SPOCK3: variants seen among roughly 807,000 people sequenced by gnomAD.
The protein encoded by SPOCK3 is testican-3.
A neutral mutation model predicts 56.6 loss-of-function variants in SPOCK3; 30 were observed. The observed-to-expected ratio is 0.53, with a 90% confidence interval of 0.40 to 0.72. The LOEUF (loss-of-function observed/expected upper bound fraction) is 0.72. SPOCK3 is among the 30% of genes least tolerant of loss of function. The probability of loss-of-function intolerance (pLI) is 0.00; values close to 1 mark genes in which losing one functional copy is unlikely to be tolerated. For synonymous variants in SPOCK3, 196 were observed against 183.3 expected, an observed-to-expected ratio of 1.07 and a Z score of -0.56; for missense variants, 527 against 530.0, an observed-to-expected ratio of 0.99 and a Z score of 0.06.
At chr4:166,916,932 C>T (rs931368547) in intron 4 of SPOCK3, among the ~76,000 whole-genome samples, 2 of 152,030 alleles carry the variant, frequency 1.3e-5, no homozygotes, top group Admixed American at 6.6e-5. Flanking sequence ...TTAGTGTTAA[C>T]AAGTGAAGCA....
chr4:166,769,906 C>T (rs1165260894), intron 7 of SPOCK3, among the ~76,000 whole-genome samples: 1 of 152,140 alleles, frequency 6.6e-6, no homozygotes. Flanking sequence ...CCTCCCCCAG[C>T]CTTGCTGCTG....
chr4:166,828,221 A>G (rs1015195762), intron 6 of SPOCK3, among the ~76,000 whole-genome samples: 3 of 152,040 alleles, frequency 2.0e-5, no homozygotes, highest in African/African-American at 7.2e-5. Context: ...AATTCCTTAT[A>G]AATGGAAAAA....
intron 7 of SPOCK3, among the ~76,000 whole-genome samples, chr4:166,779,982 C>T (rs1407834052): frequency 5.9e-5 from 9 of 152,128 alleles, no homozygotes. Flanking sequence ...TGAAAACTTT[C>T]AACCCAATAA....
At chr4:166,773,617 A>G (rs892658346) in intron 7 of SPOCK3, among the ~76,000 whole-genome samples, 23 of 152,128 alleles carry the variant, frequency 1.5e-4, no homozygotes, top group Non-Finnish European at 3.2e-4. Flanking sequence ...TTCTTTTACT[A>G]CTTAGCTCTT....
intron 5 of SPOCK3, among the ~76,000 whole-genome samples, chr4:166,895,098 G>A (rs6553317): frequency 0.73 from 110,304 of 151,942 alleles, 40,221 homozygotes; most frequent in South Asian, 0.79. Flanking sequence ...ATTCTTGTTT[G>A]AATTATTCCA....
intron 2 of SPOCK3, among the ~76,000 whole-genome samples, chr4:167,178,131 T>G (rs1015168618): frequency 2.0e-5 from 3 of 152,132 alleles, no homozygotes; most frequent in African/African-American, 7.2e-5. Context: ...GTGACAAACA[T>G]AATGCCACAT....
intron 7 of SPOCK3, among the ~76,000 whole-genome samples, chr4:166,781,691 A>G (rs1740191467): frequency 6.6e-6 from 1 of 152,124 alleles, no homozygotes; most frequent in South Asian, 2.1e-4. Flanking sequence ...ATAAACACCA[A>G]CCAATCAAAC....
intron 2 of SPOCK3, among the ~76,000 whole-genome samples, chr4:167,120,897 A>T (rs1358168816): frequency 1.3e-5 from 2 of 151,968 alleles, no homozygotes; most frequent in African/African-American, 2.4e-5. Context: ...CAATTCCAAC[A>T]TTGGGTAACA....
chr4:167,141,717 C>A (rs1763545710), intron 2 of SPOCK3, among the ~76,000 whole-genome samples: 1 of 151,832 alleles, frequency 6.6e-6, no homozygotes, highest in Non-Finnish European at 1.5e-5. Flanking sequence ...AATTAGAGGG[C>A]AAATCCAGAA....
At chr4:167,149,395 T>C (rs1247654806) in intron 2 of SPOCK3, among the ~76,000 whole-genome samples, 1 of 152,052 alleles carries the variant, frequency 6.6e-6, no homozygotes, top group East Asian at 1.9e-4. Context: ...CTAAAAACTG[T>C]TCATTTGCAA....
intron 2 of SPOCK3, among the ~76,000 whole-genome samples, chr4:167,137,126 C>T (rs1245181648): frequency 2.6e-5 from 4 of 152,004 alleles, no homozygotes; most frequent in African/African-American, 9.7e-5. Flanking sequence ...CCTCTTATTT[C>T]CCTTTCTCTT....
intron 7 of SPOCK3, among the ~76,000 whole-genome samples, chr4:166,767,405 T>A (rs1738241502): frequency 6.6e-6 from 1 of 152,004 alleles, no homozygotes; most frequent in Non-Finnish European, 1.5e-5. Flanking sequence ...TTCTCACTGG[T>A]TTCAAAGAAC....
In SPOCK3 at chr4:166,921,578, A is replaced by G. The variant is rs573739432; in HGVS notation, c.351-8835T>C. Among the ~76,000 whole-genome samples, 5 of 152,218 alleles carry G rather than the reference A, an allele frequency of 3.3e-5. No individual in the cohort carries two copies. In the South Asian group the frequency reaches 1.0e-3, roughly 32 times the overall value. ...TGATCCGCCCGCCTTGGCCTCCCAA[A>G]GTGCTGTGATTACAGGCATGAGCCA... On this transcript the variant is annotated intron_variant, in intron 4 of 10. Coordinates refer to ENST00000357545, the MANE Select transcript of SPOCK3 (RefSeq NM_001040159.2).
At chr4:167,052,482 C>T (rs1754328862) in intron 3 of SPOCK3, among the ~76,000 whole-genome samples, 1 of 152,116 alleles carries the variant, frequency 6.6e-6, no homozygotes, top group South Asian at 2.1e-4. Context: ...ATTCAAAACT[C>T]CTAAATCAAT....
intron 3 of SPOCK3, among the ~76,000 whole-genome samples, chr4:167,028,878 C>T (rs930773792): frequency 6.6e-6 from 1 of 151,976 alleles, no homozygotes; most frequent in Non-Finnish European, 1.5e-5. Flanking sequence ...GTTTTCATTG[C>T]CTGTTCTCTC....
Position 166,768,055 on chromosome 4 carries a change from A to G in SPOCK3, c.710-13326T>C, listed in dbSNP as rs565214913. 1.8e-4 allele frequency among the ~76,000 whole-genome samples: 27 copies of G among 151,484 alleles called. No individual in the cohort carries two copies. The South Asian group carries it at 2.5e-3, about 14-fold the overall frequency. On this transcript the variant is annotated intron_variant, in intron 7 of 10. Transcript: ENST00000357545. ...ACATTTGTCTGGTAGATCTTCCTCC[A>G]TCCCTTTATTTTGAGCCTATGTGTG...
At chr4:166,972,262 G>C (rs1277398098) in intron 4 of SPOCK3, among the ~76,000 whole-genome samples, 2 of 152,114 alleles carry the variant, frequency 1.3e-5, no homozygotes, top group Non-Finnish European at 2.9e-5. Context: ...GCATGATTAA[G>C]TGTTTCTGTA....
intron 2 of SPOCK3, among the ~76,000 whole-genome samples, chr4:167,190,577 T>G (rs1235304289): frequency 2.1e-5 from 3 of 146,140 alleles, no homozygotes; most frequent in Non-Finnish European, 4.5e-5. Flanking sequence ...TTCATTTTCT[T>G]GATTATTTGC....
chr4:167,105,949 T>C (rs372440638), intron 2 of SPOCK3, among the ~76,000 whole-genome samples: 1 of 152,010 alleles, frequency 6.6e-6, no homozygotes, highest in African/African-American at 2.4e-5. Context: ...ATTGTAAATA[T>C]GTAAGCAATC....
Sources: gnomAD v4.1 joint callset for allele counts (sites outside exome capture counted in the v4.1 genomes callset) on GRCh38, gnomAD v4.1.1 for gene constraint, MANE v1.5 for transcripts, NCBI Gene and HGNC (gene_info 2026-07-23, HGNC 2026-07-21) for gene names.